DIAPH3: variants seen among roughly 807,000 people sequenced by gnomAD.
The protein encoded by DIAPH3 is diaphanous related formin 3.
In DIAPH3, 117 loss-of-function variants were observed where a neutral mutation model predicts 144.3. The ratio of observed to expected loss-of-function variants is 0.81; its 90% confidence interval spans 0.70 to 0.95. The LOEUF (loss-of-function observed/expected upper bound fraction) is 0.95, where lower values mean the gene tolerates loss of function less well. Among genes scored for constraint, DIAPH3 ranks in the 40% least tolerant of loss-of-function variants. DIAPH3 has a pLI of 0.00. For missense variants in DIAPH3, 1,421 were observed against 1,412.7 expected (o/e 1.01, Z -0.09); for synonymous variants, 519 against 488.9 (o/e 1.06, Z -0.81).
At chr13:59,787,586 G>C (rs2039104657) in intron 25 of DIAPH3, among the ~76,000 whole-genome samples, 1 of 152,024 alleles carries the variant, frequency 6.6e-6, no homozygotes, top group African/African-American at 2.4e-5. Context: ...ATAACAAACT[G>C]TACACATAAA....
intron 17 of DIAPH3, among the ~76,000 whole-genome samples, chr13:59,950,321 G>A (rs937504615): frequency 6.6e-6 from 1 of 151,980 alleles, no homozygotes; most frequent in South Asian, 2.1e-4. Flanking sequence ...CCAAGCCTAC[G>A]TGTTTCCCCA....
intron 17 of DIAPH3, among the ~76,000 whole-genome samples, chr13:59,949,829 T>C (rs1410560483): frequency 6.6e-6 from 1 of 152,176 alleles, no homozygotes; most frequent in Admixed American, 6.6e-5. Flanking sequence ...ACCAGCTTGA[T>C]TCACTCTATA....
chr13:59,693,856 A>C (rs977953737), intron 27 of DIAPH3, among the ~76,000 whole-genome samples: 1 of 152,184 alleles, frequency 6.6e-6, no homozygotes, highest in African/African-American at 2.4e-5. Flanking sequence ...AGCAAGGCCA[A>C]AAGTGAATTT....
In DIAPH3 at chr13:59,800,300, T is replaced by C. The variant is rs540804872; in HGVS notation, c.3163+10488A>G. ...CTTACCTTTCCCTTTTTAGAACTGA[T>C]AAAAGATGACTGAGTTCATATCCTA... is the stretch of plus-strand genomic sequence containing the variant. On this transcript the variant is annotated intron_variant, in intron 25 of 27. Transcript: ENST00000400324. 8.3e-4 allele frequency among the ~76,000 whole-genome samples: 126 copies of C among 152,286 alleles called. 1 individual carries two copies. Among genetic ancestry groups the C allele is most frequent in the Non-Finnish European group, 1.5e-3 (104 of 68,018 alleles).
chr13:59,883,888 T>G (rs918817344), intron 20 of DIAPH3, among the ~76,000 whole-genome samples: 4 of 152,210 alleles, frequency 2.6e-5, no homozygotes, highest in African/African-American at 9.7e-5. Flanking sequence ...TCAATATTTC[T>G]TACCTTCCTC....
At chr13:59,872,678 T>G (rs1015348937) in intron 21 of DIAPH3, among the ~76,000 whole-genome samples, 3 of 152,258 alleles carry the variant, frequency 2.0e-5, no homozygotes, top group African/African-American at 7.2e-5. Flanking sequence ...GTGTCTTGTT[T>G]CTGGTTTTTA....
At chr13:60,043,430 T>C (rs911014563) in intron 4 of DIAPH3, among the ~76,000 whole-genome samples, 1 of 152,122 alleles carries the variant, frequency 6.6e-6, no homozygotes, top group Non-Finnish European at 1.5e-5. Flanking sequence ...ATCTTCCTGG[T>C]TTTTCTTTTG....
At chr13:59,984,458 A>G (rs1200210933) in intron 12 of DIAPH3, among the ~76,000 whole-genome samples, 1 of 151,804 alleles carries the variant, frequency 6.6e-6, no homozygotes, top group Non-Finnish European at 1.5e-5. Context: ...AGTTTAACTA[A>G]AACCTCCAAG....
Position 59,997,576 on chromosome 13 carries a change from T to G in DIAPH3, c.1015-4993A>C, listed in dbSNP as rs553059976. ...GGGTGGATACTCGGTAATGAGACTGTTTTTTTCTAACCTTTGGTTCCCTGA... is the reference window on the plus strand; with the variant it reads ...GGGTGGATACTCGGTAATGAGACTGGTTTTTTCTAACCTTTGGTTCCCTGA... On this transcript the variant is annotated intron_variant, in intron 9 of 27. Coordinates refer to ENST00000400324, the MANE Select transcript of DIAPH3 (RefSeq NM_001042517.2). Among the ~76,000 whole-genome samples, 89 of 152,170 alleles carry G rather than the reference T, an allele frequency of 5.8e-4. 1 individual carries two copies. Among genetic ancestry groups the G allele is most frequent in the Non-Finnish European group, 5.6e-4 (38 of 67,992 alleles).
intron 27 of DIAPH3, among the ~76,000 whole-genome samples, chr13:59,725,318 G>A (rs1035277077): frequency 4.6e-5 from 7 of 152,146 alleles, no homozygotes; most frequent in African/African-American, 1.2e-4. Flanking sequence ...CTTGTTATAT[G>A]TTTCCATATG....
intron 22 of DIAPH3, among the ~76,000 whole-genome samples, chr13:59,844,922 C>T (rs1457221718): frequency 6.6e-6 from 1 of 152,136 alleles, no homozygotes; most frequent in African/African-American, 2.4e-5. Flanking sequence ...TCCTCTCTTG[C>T]AATTCTCAGA....
intron 25 of DIAPH3, among the ~76,000 whole-genome samples, chr13:59,794,269 T>C (rs2039471792): frequency 6.6e-6 from 1 of 152,214 alleles, no homozygotes; most frequent in Non-Finnish European, 1.5e-5. Flanking sequence ...GAGGTGCATC[T>C]GTATATACAA....
At chr13:59,785,295 T>C (rs568228301) in intron 25 of DIAPH3, among the ~76,000 whole-genome samples, 68 of 152,344 alleles carry the variant, frequency 4.5e-4, no homozygotes, top group Non-Finnish European at 7.3e-4. Context: ...ATTAAATATA[T>C]TTCTGTTACA....
At position 60,005,641 on chromosome 13, in the gene DIAPH3, C is replaced by T. The variant is rs374699185; in HGVS notation, c.1014+2903G>A. Among the ~76,000 whole-genome samples the T allele has an allele frequency of 3.6e-4, 55 of 152,112 alleles. No individual in the cohort carries two copies. In the East Asian group the frequency reaches 9.5e-3, roughly 26 times the overall value. On this transcript the variant is annotated intron_variant, in intron 9 of 27. Transcript: ENST00000400324. ...GACTACAGGCACCCACCACCATGCC[C>T]GGCTAATTTTTTTGTATTTTTAGTA...
chr13:59,685,151 T>TG (rs893664198), intron 27 of DIAPH3, among the ~76,000 whole-genome samples: 6 of 152,104 alleles, frequency 3.9e-5, no homozygotes, highest in Non-Finnish European at 8.8e-5. Flanking sequence ...GGGTGAAGGG[T>TG]GGGAAGGAGA....
At chr13:59,673,210 C>T (rs536481559) in intron 27 of DIAPH3, among the ~76,000 whole-genome samples, 22 of 152,286 alleles carry the variant, frequency 1.4e-4, no homozygotes, top group Non-Finnish European at 2.5e-4. Flanking sequence ...TAATATGCTA[C>T]CTGAGTTGGA....
chr13:59,897,771 A>G (rs75808088), intron 20 of DIAPH3, among the ~76,000 whole-genome samples: 1 of 150,266 alleles, frequency 6.7e-6, no homozygotes, highest in Non-Finnish European at 1.5e-5. Context: ...AAAGAATAAG[A>G]AAAAAAAAGA....
intron 17 of DIAPH3, among the ~76,000 whole-genome samples, chr13:59,966,823 C>T (rs1566583892): frequency 6.6e-6 from 1 of 152,098 alleles, no homozygotes; most frequent in East Asian, 1.9e-4. Flanking sequence ...GGTTCTCAGT[C>T]CAAACAGTTA....
At chr13:60,069,392 A>G (rs1261117453) in intron 4 of DIAPH3, among the ~76,000 whole-genome samples, 1 of 152,068 alleles carries the variant, frequency 6.6e-6, no homozygotes, top group Non-Finnish European at 1.5e-5. Flanking sequence ...TGTTGGATGC[A>G]TAGTTTGCAA....
Sources: allele counts gnomAD v4.1 joint callset (sites outside exome capture counted in the v4.1 genomes callset), GRCh38; gene constraint gnomAD v4.1.1; transcripts MANE v1.5; gene names NCBI Gene and HGNC (gene_info 2026-07-23, HGNC 2026-07-21).